The following CSMD2 variants were observed in gnomAD, a reference collection of about 807,000 sequenced individuals.
The protein encoded by CSMD2 is CUB and sushi domain-containing protein 2.
Under a neutral mutation model 398.5 loss-of-function variants are expected in CSMD2, and 130 were observed. The observed-to-expected ratio is 0.33, with a 90% CI of 0.28 to 0.38. CSMD2 has a LOEUF of 0.38. Ranked by LOEUF, CSMD2 falls within the 10% of genes least tolerant of loss-of-function variation. CSMD2 has a pLI of 1.00. For synonymous variants in CSMD2, 1,828 were observed against 1,908.5 expected, an observed-to-expected ratio of 0.96 and a Z score of 1.10; for missense variants, 3,829 against 4,764.9, an observed-to-expected ratio of 0.80 and a Z score of 5.78.
chr1:33,784,922 T>C (rs1318652182), intron 12 of CSMD2, among the ~76,000 whole-genome samples: 1 of 152,198 alleles, frequency 6.6e-6, no homozygotes, highest in Non-Finnish European at 1.5e-5. Context: ...GACTCAAGCT[T>C]ACACAGCTGG....
chr1:33,649,112 C>G (rs1317030600), intron 28 of CSMD2, among the ~76,000 whole-genome samples: 1 of 152,180 alleles, frequency 6.6e-6, no homozygotes, highest in African/African-American at 2.4e-5. Context: ...TCTGGTGCAG[C>G]AATTCCACTC....
chr1:33,548,439 C>T (rs533068265), intron 56 of CSMD2, among the ~76,000 whole-genome samples: 1 of 152,320 alleles, frequency 6.6e-6, no homozygotes, highest in East Asian at 1.9e-4. Context: ...AGGTCTCAAA[C>T]TCCAGAAATC....
intron 60 of CSMD2, among the ~76,000 whole-genome samples, chr1:33,538,972 G>T (rs1446984349): frequency 6.6e-6 from 1 of 152,002 alleles, no homozygotes; most frequent in Non-Finnish European, 1.5e-5. Context: ...GTAAAGAAAG[G>T]CATTTTTTTT....
intron 3 of CSMD2, among the ~76,000 whole-genome samples, chr1:33,971,443 G>A (rs545968595): frequency 2.0e-5 from 3 of 152,304 alleles, no homozygotes; most frequent in East Asian, 1.9e-4. Flanking sequence ...GCAGGGCCTC[G>A]GGAAACATCG....
intron 3 of CSMD2, among the ~76,000 whole-genome samples, chr1:33,977,326 A>G (rs1646003551): frequency 6.6e-6 from 1 of 151,840 alleles, no homozygotes. Flanking sequence ...CAACCTCATG[A>G]ATGTTCAGAT....
rs77522037 is a variant in CSMD2 at position 33,583,212 on chromosome 1, G to T, written c.7240+430C>A. On this transcript the variant is annotated intron_variant, in intron 47 of 70. Transcript: ENST00000373381. ...ACAAAGTTCTGCTATGAATTTTTAG[G>T]GTCCAGTGGTCTGAAGCATGCTGAG... 4.0e-3 allele frequency among the ~76,000 whole-genome samples: 605 copies of T among 152,282 alleles called. 7 individuals carry two copies. The highest frequency in any genetic ancestry group is 0.013 in the African/African-American group (545 of 41,546).
chr1:33,747,247 CAT>C (rs1647511865), intron 13 of CSMD2, among the ~76,000 whole-genome samples: 1 of 152,150 alleles, frequency 6.6e-6, no homozygotes, highest in African/African-American at 2.4e-5. Flanking sequence ...TTTATGTAAA[CAT>C]AGTTATAAAA....
Position 33,662,941 on chromosome 1 carries a change from AC to A in CSMD2, c.4203del (p.Gln1401HisfsTer66). ...LHSTFNSVVLQFSTDFFTSKQ... is the reference protein window; with the variant it reads ...LHSTFNSVVLXFSTDFFTSKQ... ...TTGCTGGTGAAGAAGTCAGTGCTGA[AC>A]TGCAGGACGACCGAGTTGAAGGTGC... On this transcript the variant is annotated frameshift_variant, in exon 26 of 71. Transcript: ENST00000373381. LOFTEE classifies it high-confidence loss of function. 6.2e-7 allele frequency: 1 copy of A among 1,614,184 alleles called. No individual in the cohort carries two copies.
chr1:33,919,770 C>A (rs778068658), intron 4 of CSMD2, among the ~76,000 whole-genome samples: 3 of 151,994 alleles, frequency 2.0e-5, no homozygotes, highest in Admixed American at 6.6e-5. Flanking sequence ...AGTGATAGCA[C>A]ATAGTTAGGA....
intron 2 of CSMD2, among the ~76,000 whole-genome samples, chr1:34,056,587 T>C (rs1653855669): frequency 1.3e-5 from 2 of 152,248 alleles, no homozygotes; most frequent in Non-Finnish European, 2.9e-5. Context: ...TTAACAATGG[T>C]ATCTACCTTA....
chr1:33,703,861 T>A (rs1645690075), intron 22 of CSMD2, among the ~76,000 whole-genome samples: 1 of 152,242 alleles, frequency 6.6e-6, no homozygotes, highest in Non-Finnish European at 1.5e-5. Context: ...CATTATGATG[T>A]TTTCCAATTT....
intron 1 of CSMD2, among the ~76,000 whole-genome samples, chr1:34,149,106 G>A (rs1393070135): frequency 6.6e-6 from 1 of 152,188 alleles, no homozygotes; most frequent in Admixed American, 6.5e-5. Flanking sequence ...TGCCATCTCT[G>A]GGCCTCCCAG....
At chr1:33,768,439 C>T (rs895007414) in intron 13 of CSMD2, among the ~76,000 whole-genome samples, 2 of 152,074 alleles carry the variant, frequency 1.3e-5, no homozygotes, top group African/African-American at 4.8e-5. Context: ...ATCAATAGTG[C>T]TAAGTTTGAG....
intron 1 of CSMD2, among the ~76,000 whole-genome samples, chr1:34,153,486 T>C (rs1463813040): frequency 6.6e-6 from 1 of 152,252 alleles, no homozygotes; most frequent in Non-Finnish European, 1.5e-5. Flanking sequence ...GCCATTTGGC[T>C]GTTGTGAATA....
chr1:33,995,419 G>A (rs1646695329), intron 3 of CSMD2, among the ~76,000 whole-genome samples: 1 of 152,156 alleles, frequency 6.6e-6, no homozygotes, highest in Admixed American at 6.5e-5. Flanking sequence ...GTGGCTTCAG[G>A]GCTAAGCTCT....
At chr1:33,923,454 G>T (rs753797909) in intron 4 of CSMD2, among the ~76,000 whole-genome samples, 1 of 152,156 alleles carries the variant, frequency 6.6e-6, no homozygotes. Flanking sequence ...AGATGCCAAT[G>T]CCATGCCTCC....
intron 2 of CSMD2, among the ~76,000 whole-genome samples, chr1:34,062,457 C>T (rs943968167): frequency 1.3e-5 from 2 of 152,158 alleles, no homozygotes; most frequent in African/African-American, 4.8e-5. Flanking sequence ...CAGGAAGTCC[C>T]GCTGTGGCCA....
At chr1:33,961,757 C>G (rs1645369023) in intron 3 of CSMD2, among the ~76,000 whole-genome samples, 1 of 152,104 alleles carries the variant, frequency 6.6e-6, no homozygotes, top group Non-Finnish European at 1.5e-5. Context: ...CTCTCTTTCT[C>G]CCTCTCTTGC....
At chr1:34,045,764 C>G (rs537874075) in intron 2 of CSMD2, among the ~76,000 whole-genome samples, 1 of 152,322 alleles carries the variant, frequency 6.6e-6, no homozygotes, top group Non-Finnish European at 1.5e-5. Flanking sequence ...TCTAAGCACA[C>G]TCGCTCCATC....
Sources: gnomAD v4.1 joint callset for allele counts (sites outside exome capture counted in the v4.1 genomes callset) on GRCh38, gnomAD v4.1.1 for gene constraint, MANE v1.5 for transcripts, NCBI Gene and HGNC (gene_info 2026-07-23, HGNC 2026-07-21) for gene names.